Variants in ZNF148 observed in about 807,000 individuals in gnomAD.
ZNF148 encodes zinc finger protein 148.
ZNF148 carries 7 observed loss-of-function variants against 67.7 expected under a neutral mutation model. The observed-to-expected ratio is 0.10, with a 90% CI of 0.06 to 0.19. The LOEUF (loss-of-function observed/expected upper bound fraction) is 0.19. ZNF148 is among the 10% of genes least tolerant of loss of function. The probability of loss-of-function intolerance (pLI) is 1.00; values close to 1 mark genes in which losing one functional copy is unlikely to be tolerated. For missense variants in ZNF148, 583 were observed against 947.1 expected (o/e 0.62, Z 5.05); for synonymous variants, 333 against 330.7 (o/e 1.01, Z -0.08).
chr3:125,244,559 G>A (rs1224349050), intron 7 of ZNF148, among the ~76,000 whole-genome samples: 2 of 151,654 alleles, frequency 1.3e-5, no homozygotes, highest in African/African-American at 2.4e-5. Context: ...GGACAATGGT[G>A]CCATCTCGGC....
intron 7 of ZNF148, among the ~76,000 whole-genome samples, chr3:125,273,234 T>C (rs1937854724): frequency 6.6e-6 from 1 of 152,224 alleles, no homozygotes; most frequent in African/African-American, 2.4e-5. Flanking sequence ...GCTGTTATTA[T>C]TCAGCTATTT....
At chr3:125,345,733 CA>C (rs1311068773) in intron 1 of ZNF148, among the ~76,000 whole-genome samples, 1 of 151,982 alleles carries the variant, frequency 6.6e-6, no homozygotes, top group African/African-American at 2.4e-5. Flanking sequence ...ACCAACTTCA[CA>C]AAACCACATT....
At chr3:125,296,587 G>T (rs1056189638) in intron 4 of ZNF148, among the ~76,000 whole-genome samples, 1 of 152,016 alleles carries the variant, frequency 6.6e-6, no homozygotes, top group African/African-American at 2.4e-5. Flanking sequence ...CTACTAGAGG[G>T]TCATCTTTTG....
At chr3:125,290,551 A>T (rs2107629829) in intron 4 of ZNF148, among the ~76,000 whole-genome samples, 1 of 152,280 alleles carries the variant, frequency 6.6e-6, no homozygotes, top group Non-Finnish European at 1.5e-5. Flanking sequence ...TTAAAGTAAG[A>T]TACTCTTTGT....
chr3:125,247,833 G>A (rs1308724653), intron 7 of ZNF148, among the ~76,000 whole-genome samples: 1 of 152,136 alleles, frequency 6.6e-6, no homozygotes, highest in Non-Finnish European at 1.5e-5. Flanking sequence ...CCTCTAGTAA[G>A]AGCAACATCC....
At chr3:125,345,928 A>T (rs546869614) in intron 1 of ZNF148, among the ~76,000 whole-genome samples, 40 of 152,338 alleles carry the variant, frequency 2.6e-4, no homozygotes, top group South Asian at 6.2e-4. Context: ...ATTAATACCA[A>T]CTGTTCACAA....
chr3:125,374,064 C>T (rs1384544186), intron 1 of ZNF148, among the ~76,000 whole-genome samples: 2 of 152,136 alleles, frequency 1.3e-5, no homozygotes, highest in African/African-American at 4.8e-5. Context: ...TTTCTAAAAT[C>T]GAAGCTCCAT....
At chr3:125,280,551 C>T (rs1395874801) in intron 5 of ZNF148, among the ~76,000 whole-genome samples, 1 of 151,516 alleles carries the variant, frequency 6.6e-6, no homozygotes, top group Non-Finnish European at 1.5e-5. Flanking sequence ...TGTGGTGGCA[C>T]ACACCTGTAC....
chr3:125,238,260 A>G (rs1415660887), intron 7 of ZNF148, among the ~76,000 whole-genome samples: 1 of 152,208 alleles, frequency 6.6e-6, no homozygotes, highest in Non-Finnish European at 1.5e-5. Context: ...AAGCAGCACA[A>G]GCAAACAAAA....
rs151304607 is a variant in ZNF148 at position 125,273,764 on chromosome 3, C to G, written c.667+3962G>C. Reference sequence around the variant, plus strand: ...CAAAGTGCTGGGATTACAGCGTGAGCCACCGCACCCGGCCGGGAGGAGAAT... The same window carrying G: ...CAAAGTGCTGGGATTACAGCGTGAGGCACCGCACCCGGCCGGGAGGAGAAT... On this transcript the variant is annotated intron_variant, in intron 7 of 8. Transcript: ENST00000360647. 3.1e-4 allele frequency among the ~76,000 whole-genome samples: 47 copies of G among 152,230 alleles called. 2 individuals carry two copies. Among genetic ancestry groups the G allele is most frequent in the African/African-American group, 9.6e-4 (40 of 41,548 alleles).
At chr3:125,324,358 A>G (rs548110110) in intron 2 of ZNF148, among the ~76,000 whole-genome samples, 3 of 152,200 alleles carry the variant, frequency 2.0e-5, no homozygotes, top group Non-Finnish European at 4.4e-5. Flanking sequence ...TAGTGGCCAA[A>G]AACAATAGAA....
chr3:125,349,820 G>A (rs989884069), intron 1 of ZNF148, among the ~76,000 whole-genome samples: 3 of 152,130 alleles, frequency 2.0e-5, no homozygotes, highest in African/African-American at 7.2e-5. Flanking sequence ...CAGCTCAGAT[G>A]ACAGAGCCAG....
intron 1 of ZNF148, among the ~76,000 whole-genome samples, chr3:125,350,126 G>A (rs1030706140): frequency 1.3e-5 from 2 of 151,448 alleles, no homozygotes; most frequent in South Asian, 2.1e-4. Context: ...TCCCACTTGT[G>A]CATATTTATC....
chr3:125,329,400 C>G (rs1360157331), intron 2 of ZNF148, among the ~76,000 whole-genome samples: 1 of 144,254 alleles, frequency 6.9e-6, no homozygotes, highest in Admixed American at 7.1e-5. Context: ...CTCGCTCTGT[C>G]GCCCAGGCTG....
At chr3:125,293,867 T>A (rs903116883) in intron 4 of ZNF148, among the ~76,000 whole-genome samples, 3 of 152,118 alleles carry the variant, frequency 2.0e-5, no homozygotes, top group Non-Finnish European at 4.4e-5. Context: ...ATGCTGAAGT[T>A]AGTGGGCAAA....
In ZNF148 at chr3:125,331,140, C is replaced by T. The variant is rs1941273686; in HGVS notation, c.-153+18G>A. 1 of 398,376 alleles carries T rather than the reference C, an allele frequency of 2.5e-6. No individual in the cohort carries two copies. Among genetic ancestry groups the T allele is most frequent in the Non-Finnish European group, 4.4e-6 (1 of 226,046 alleles). 24.7% of individuals were successfully genotyped at this position (398,376 alleles called of 1,614,324 possible). A position where few individuals can be genotyped will look rare whatever the true frequency, so the allele number is the denominator to read the frequency against. The stretch of plus-strand genomic sequence containing the variant: ...TACAGGTAAAAATTAAAGATTGACT[C>T]AAAGAATGCTGAATTACCTCCATTA... On this transcript the variant is annotated intron_variant, in intron 2 of 8. Transcript: ENST00000360647.
chr3:125,280,173 T>C (rs1224003536), intron 5 of ZNF148, among the ~76,000 whole-genome samples: 2 of 152,144 alleles, frequency 1.3e-5, no homozygotes, highest in East Asian at 3.9e-4. Context: ...GGGGCATAAG[T>C]ACTGAATAAG....
chr3:125,369,453 T>G (rs1013941893), intron 1 of ZNF148, among the ~76,000 whole-genome samples: 2 of 140,550 alleles, frequency 1.4e-5, no homozygotes, highest in Non-Finnish European at 3.0e-5. Flanking sequence ...ACAGGGACCA[T>G]GTTTCGCTCA....
chr3:125,246,165 A>G (rs995186532), intron 7 of ZNF148, among the ~76,000 whole-genome samples: 2 of 152,214 alleles, frequency 1.3e-5, no homozygotes, highest in Non-Finnish European at 2.9e-5. Flanking sequence ...TAATCAGAAT[A>G]TATGTGAAAA....
Sources: gnomAD v4.1 joint callset for allele counts (sites outside exome capture counted in the v4.1 genomes callset) on GRCh38, gnomAD v4.1.1 for gene constraint, MANE v1.5 for transcripts, NCBI Gene and HGNC (gene_info 2026-07-23, HGNC 2026-07-21) for gene names.